NIPBL: variants seen among roughly 807,000 people sequenced by gnomAD.
The protein encoded by NIPBL is nipped-B-like protein.
In NIPBL, 19 loss-of-function variants were observed where a neutral mutation model predicts 321.8. The ratio of observed to expected loss-of-function variants is 0.06; its 90% CI spans 0.04 to 0.09. The LOEUF is 0.09. NIPBL is among the 10% of genes least tolerant of loss of function. NIPBL has a pLI of 1.00. For synonymous variants in NIPBL, 1,106 were observed against 1,114.1 expected (o/e 0.99, Z 0.14); for missense variants, 2,210 against 3,327.0 (o/e 0.66, Z 8.26).
chr5:36,892,964 A>G (rs566697153), intron 1 of NIPBL, among the ~76,000 whole-genome samples: 2 of 152,320 alleles, frequency 1.3e-5, no homozygotes, highest in African/African-American at 4.8e-5. Flanking sequence ...AGCATGGTGG[A>G]TTATAATCTT....
intron 1 of NIPBL, among the ~76,000 whole-genome samples, chr5:36,898,511 CTTT>C (rs550485997): frequency 5.9e-5 from 8 of 135,352 alleles, no homozygotes; most frequent in Admixed American, 7.5e-5. Flanking sequence ...TTTCTGATTC[CTTT>C]TTTTTTTTTT....
At chr5:36,894,730 C>G (rs1746602964) in intron 1 of NIPBL, among the ~76,000 whole-genome samples, 1 of 152,104 alleles carries the variant, frequency 6.6e-6, no homozygotes, top group Non-Finnish European at 1.5e-5. Flanking sequence ...TTCTCCTGCC[C>G]CAGTTCACTT....
intron 27 of NIPBL, among the ~76,000 whole-genome samples, 179 bp downstream of exon 27, chr5:37,021,056 T>G (rs1367236488): frequency 1.3e-5 from 2 of 152,252 alleles, no homozygotes; most frequent in Non-Finnish European, 2.9e-5. Context: ...CCCAACACTT[T>G]GGGAAGCCAA....
chr5:36,913,003 G>A (rs1433018490), intron 1 of NIPBL, among the ~76,000 whole-genome samples: 1 of 152,140 alleles, frequency 6.6e-6, no homozygotes, highest in East Asian at 1.9e-4. Flanking sequence ...TTTCAACAAT[G>A]TGTGTCTTGA....
chr5:37,012,481 T>A (rs866015617), intron 21 of NIPBL, among the ~76,000 whole-genome samples: 76 of 145,296 alleles, frequency 5.2e-4, no homozygotes, highest in African/African-American at 1.4e-3. Flanking sequence ...TTTTTTTTTT[T>A]ATTCATTCTT....
intron 21 of NIPBL, among the ~76,000 whole-genome samples, chr5:37,013,279 G>T (rs1369650303): frequency 6.7e-6 from 1 of 149,192 alleles, no homozygotes; most frequent in Non-Finnish European, 1.5e-5. Flanking sequence ...CGGATGGGGC[G>T]GCTGGCCAGG....
Position 37,000,587 on chromosome 5 carries a change from A to C in NIPBL, c.3502+17A>C, listed in dbSNP as rs144725401. The C allele has an allele frequency of 4.1e-4, 654 of 1,611,392 alleles. 3 individuals are homozygous for C. The African/African-American group carries it at 7.5e-3, about 19-fold the overall frequency. ...TTAGTGAGGGTAATTCATCAGTGTC[A>C]ACGGATTTCTTACATAAACCAATTT... On this transcript the variant is annotated intron_variant, in intron 12 of 46. Coordinates refer to ENST00000282516, the MANE Select transcript of NIPBL (RefSeq NM_133433.4).
intron 1 of NIPBL, among the ~76,000 whole-genome samples, chr5:36,933,381 CT>C (rs896573020): frequency 1.3e-5 from 2 of 151,908 alleles, no homozygotes; most frequent in African/African-American, 4.8e-5. Context: ...TCAAAAGGGT[CT>C]GTGGAAATAA....
intron 32 of NIPBL, among the ~76,000 whole-genome samples, chr5:37,033,407 G>A (rs1014610258): frequency 6.6e-6 from 1 of 151,748 alleles, no homozygotes; most frequent in South Asian, 2.1e-4. Context: ...AGATTAGTAC[G>A]AAATAGAACA....
chr5:36,951,744 GT>G (rs1413874769), intron 1 of NIPBL, among the ~76,000 whole-genome samples: 1 of 152,116 alleles, frequency 6.6e-6, no homozygotes, highest in East Asian at 1.9e-4. Flanking sequence ...AGAATAGCTA[GT>G]AGTGATTATA....
At chr5:36,995,554 A>T in intron 10 of NIPBL, 68 bp from the exon 11 acceptor site, 2 of 1,025,868 alleles carry the variant, frequency 1.9e-6, no homozygotes, top group Non-Finnish European at 3.0e-6. Flanking sequence ...TATTATGCTA[A>T]CTTAGTTAAA....
chr5:37,040,470 CAT>C (rs1752212904), intron 34 of NIPBL, among the ~76,000 whole-genome samples: 1 of 151,992 alleles, frequency 6.6e-6, no homozygotes, highest in African/African-American at 2.4e-5. Context: ...AAAATTGAAT[CAT>C]ATTATATAGA....
At chr5:36,907,707 T>C (rs540168110) in intron 1 of NIPBL, among the ~76,000 whole-genome samples, 5 of 152,320 alleles carry the variant, frequency 3.3e-5, no homozygotes, top group African/African-American at 1.2e-4. Flanking sequence ...ACAATATTTA[T>C]AATGTGCATA....
chr5:36,897,667 G>A (rs1746859743), intron 1 of NIPBL, among the ~76,000 whole-genome samples: 1 of 152,136 alleles, frequency 6.6e-6, no homozygotes, highest in African/African-American at 2.4e-5. Flanking sequence ...CTGTAACATA[G>A]GATTAAAAAT....
At chr5:36,999,206 C>T (rs1746504630) in intron 11 of NIPBL, among the ~76,000 whole-genome samples, 2 of 152,174 alleles carry the variant, frequency 1.3e-5, no homozygotes, top group South Asian at 2.1e-4. Context: ...GGCATCCTTA[C>T]ATCTAAGCCA....
chr5:37,022,689 G>A (rs1165130546), intron 29 of NIPBL, among the ~76,000 whole-genome samples: 2 of 152,050 alleles, frequency 1.3e-5, no homozygotes, highest in Non-Finnish European at 2.9e-5. Context: ...AAATGTTTTT[G>A]AACAAGAATC....
intron 1 of NIPBL, among the ~76,000 whole-genome samples, chr5:36,884,137 C>T (rs1228677842): frequency 6.6e-6 from 1 of 152,054 alleles, no homozygotes; most frequent in Admixed American, 6.5e-5. Context: ...AATCTTTTTA[C>T]TATTTTCTCT....
intron 17 of NIPBL, 99 bp from the exon 18 acceptor site, chr5:37,007,224 A>C: frequency 9.9e-7 from 1 of 1,012,666 alleles, no homozygotes; most frequent in Non-Finnish European, 1.5e-6. Flanking sequence ...CTGTAGCTAG[A>C]AAATTGTGTT....
At chr5:37,009,376 T>G (rs1039356922) in intron 20 of NIPBL, among the ~76,000 whole-genome samples, 3 of 152,240 alleles carry the variant, frequency 2.0e-5, no homozygotes, top group Non-Finnish European at 2.9e-5. Context: ...TTTGCCATCA[T>G]AGATAATCAC....
Sources: gnomAD v4.1 joint callset for allele counts (sites outside exome capture counted in the v4.1 genomes callset) on GRCh38, gnomAD v4.1.1 for gene constraint, MANE v1.5 for transcripts, NCBI Gene and HGNC (gene_info 2026-07-23, HGNC 2026-07-21) for gene names.